ACAD10: variants seen among roughly 807,000 people sequenced by gnomAD.
ACAD10 encodes acyl-CoA dehydrogenase family member 10, also known as ACAD-10.
Under a neutral mutation model 116.8 loss-of-function variants are expected in ACAD10, and 112 were observed. The observed-to-expected ratio is 0.96, with a 90% CI of 0.82 to 1.12. The LOEUF is 1.12. Ranked by LOEUF, ACAD10 falls within the 50% of genes most tolerant of loss-of-function variation. The pLI is 0.00. For synonymous variants in ACAD10, 486 were observed against 510.6 expected (o/e 0.95, Z 0.65); for missense variants, 1,259 against 1,350.2 (o/e 0.93, Z 1.06).
chr12:111,746,110 A>G (rs1452893374), intron 13 of ACAD10, 34 bp from the exon 14 acceptor site: 1 of 1,598,978 alleles, frequency 6.3e-7, no homozygotes, highest in Non-Finnish European at 8.5e-7. Flanking sequence ...GAAATCTTCC[A>G]CTGTGGTTTC....
intron 8 of ACAD10, among the ~76,000 whole-genome samples, chr12:111,726,630 G>A (rs969102128): frequency 6.6e-6 from 1 of 152,178 alleles, no homozygotes; most frequent in Non-Finnish European, 1.5e-5. Flanking sequence ...GGGAGGCTGA[G>A]GCGGATGGAT....
intron 18 of ACAD10, chr12:111,749,644 A>C (rs1324954589): frequency 2.8e-6 from 1 of 362,710 alleles, no homozygotes; most frequent in Non-Finnish European, 5.0e-6. Flanking sequence ...ATTAAAAATC[A>C]GTCTGGGTGC....
At chr12:111,728,235 T>C (rs1175366299) in intron 9 of ACAD10, 92 bp downstream of exon 9, 2 of 1,300,948 alleles carry the variant, frequency 1.5e-6, no homozygotes, top group Non-Finnish European at 2.1e-6. Context: ...TTTTGAGTAT[T>C]AGCACACCAA....
At chr12:111,747,906 TG>T (rs1174407977) in intron 16 of ACAD10, among the ~76,000 whole-genome samples, 3 of 152,146 alleles carry the variant, frequency 2.0e-5, no homozygotes, top group African/African-American at 7.2e-5. Flanking sequence ...TTAGGTCCCT[TG>T]CCTGGGGTAT....
chr12:111,689,053 T>A (rs1463968829), intron 1 of ACAD10, among the ~76,000 whole-genome samples: 2 of 151,790 alleles, frequency 1.3e-5, no homozygotes, highest in Non-Finnish European at 2.9e-5. Flanking sequence ...TAGCCAGGCG[T>A]GGTGGCACGC....
Position 111,738,430 on chromosome 12 carries a change from G to T in ACAD10, c.1714+1426G>T, listed in dbSNP as rs1374857962. 4.8e-5 allele frequency among the ~76,000 whole-genome samples: 6 copies of T among 126,024 alleles called. No homozygotes were observed. In the East Asian group the frequency reaches 7.8e-4, roughly 16 times the overall value. 82.7% of individuals were successfully genotyped at this position (126,024 alleles called of 152,430 possible). A position where few individuals can be genotyped will look rare whatever the true frequency, so the allele number is the denominator to read the frequency against. ...CACTACACTCCAGCCTGGGCGACAA[G>T]AATGAGACTCTGTCTCAAAAAAAAA... On this transcript the variant is annotated intron_variant, in intron 12 of 20. Coordinates refer to ENST00000313698, the MANE Select transcript of ACAD10 (RefSeq NM_025247.6).
intron 12 of ACAD10, 162 bp from the exon 13 acceptor site, chr12:111,744,481 T>G: frequency 2.4e-6 from 2 of 823,742 alleles, no homozygotes; most frequent in Non-Finnish European, 3.8e-6. Context: ...TTGTATTGCT[T>G]TGGGGATTCA....
intron 2 of ACAD10, among the ~76,000 whole-genome samples, chr12:111,698,376 TG>T (rs1314844771): frequency 2.7e-5 from 4 of 148,214 alleles, no homozygotes; most frequent in African/African-American, 1.0e-4. Flanking sequence ...TAGTCTAAAG[TG>T]ATTCTCCCGC....
intron 1 of ACAD10, among the ~76,000 whole-genome samples, chr12:111,691,503 A>G (rs1888040351): frequency 6.6e-6 from 1 of 152,066 alleles, no homozygotes; most frequent in African/African-American, 2.4e-5. Context: ...AGAGGAGAAC[A>G]TGCGTTTGAG....
chr12:111,693,153 A>G (rs1004472688), intron 2 of ACAD10: 1 of 484,620 alleles, frequency 2.1e-6, no homozygotes, highest in African/African-American at 2.0e-5. Flanking sequence ...GCGGAGAGTT[A>G]TCCGTGGGAA....
Position 111,756,675 on chromosome 12 carries a change from A to G in ACAD10, c.*202A>G, listed in dbSNP as rs1394599752. 2.2e-6 allele frequency: 2 copies of G among 899,012 alleles called. No individual in the cohort carries two copies. The highest frequency in any genetic ancestry group is 3.5e-6 in the Non-Finnish European group (2 of 569,028). 55.7% of individuals were successfully genotyped at this position (899,012 alleles called of 1,614,324 possible). On this transcript the variant is annotated 3_prime_UTR_variant, in exon 21 of 21. Coordinates refer to ENST00000313698, the MANE Select transcript of ACAD10 (RefSeq NM_025247.6). ...AGAAGCCTGGAGTCTGTTTCAGGCCAGGAGGAGGGGATTTGCTGAGGGCCA... is the reference window on the plus strand; with the variant it reads ...AGAAGCCTGGAGTCTGTTTCAGGCCGGGAGGAGGGGATTTGCTGAGGGCCA...
rs1194211862 is a variant in ACAD10 at position 111,744,685 on chromosome 12, C to A, written c.1757C>A (p.Thr586Asn). The A allele has an allele frequency of 5.0e-6, 8 of 1,614,044 alleles. No individual in the cohort carries two copies. Among genetic ancestry groups the A allele is most frequent in the African/African-American group, 1.3e-5 (1 of 74,926 alleles). The change falls in exon 13 of 21, where the codon ACC becomes AAC. Residue 586 changes from threonine (T) to asparagine (N), a missense_variant. Coordinates refer to ENST00000313698, the MANE Select transcript of ACAD10 (RefSeq NM_025247.6). Reference protein sequence around the residue: ...STYAEQTGKLTEFVSNLAWDF... With the variant: ...STYAEQTGKLNEFVSNLAWDF... ...TATGCGGAACAAACTGGAAAGCTGA[C>A]CGAATTTGTGTCTAACCTGGCGTGG...
Position 111,745,087 on chromosome 12 carries a change from A to T in ACAD10, c.2115+44A>T, listed in dbSNP as rs188892693. Reference sequence around the variant, plus strand: ...GGTGGTAAGACCCCAATACCATGGCATACCCTCCCCGACCCCACCGGGCTC... The same window carrying T: ...GGTGGTAAGACCCCAATACCATGGCTTACCCTCCCCGACCCCACCGGGCTC... On this transcript the variant is annotated intron_variant, in intron 13 of 20. Transcript: ENST00000313698. The T allele has an allele frequency of 6.6e-4, 1,039 of 1,576,604 alleles. 8 individuals carry two copies. The Admixed American group carries it at 0.015, about 23-fold the overall frequency.
Position 111,744,798 on chromosome 12 carries a change from C to T in ACAD10, c.1870C>T (p.Pro624Ser). The change falls in exon 13 of 21, where the codon CCC (proline) becomes TCC (serine). Residue 624 changes from proline to serine, a missense_variant. Pro to Ser is a moderately conservative substitution (Grantham distance 74). Coordinates refer to ENST00000313698, the MANE Select transcript of ACAD10 (RefSeq NM_025247.6). ...AAGGTCCTACCACACGTGGGCCAGGCCCCAGTCCCAGTGGTGCCCCACAGG... is the reference window on the plus strand; with the variant it reads ...AAGGTCCTACCACACGTGGGCCAGGTCCCAGTCCCAGTGGTGCCCCACAGG... ...LTRSYHTWARPQSQWCPTGSR... is the reference protein window; with the variant it reads ...LTRSYHTWARSQSQWCPTGSR... 6.2e-7 allele frequency: 1 copy of T among 1,614,220 alleles called. No homozygotes were observed. Among genetic ancestry groups the T allele is most frequent in the Non-Finnish European group, 8.5e-7 (1 of 1,180,042 alleles).
intron 1 of ACAD10, among the ~76,000 whole-genome samples, chr12:111,691,496 G>C (rs1413196353): frequency 6.6e-6 from 1 of 152,104 alleles, no homozygotes; most frequent in Non-Finnish European, 1.5e-5. Flanking sequence ...GCATTGCAGA[G>C]GAGAACATGC....
chr12:111,715,767 C>T (rs571376541), intron 6 of ACAD10, 54 bp from the exon 7 acceptor site: 1 of 1,611,314 alleles, frequency 6.2e-7, no homozygotes, highest in Admixed American at 1.7e-5. Flanking sequence ...AGAATGTCTG[C>T]TCAGATCTGT....
chr12:111,697,100 G>A lies in ACAD10; in HGVS notation c.187+4204G>A, dbSNP rs561442405. On this transcript the variant is annotated intron_variant, in intron 2 of 20. Coordinates refer to ENST00000313698, the MANE Select transcript of ACAD10 (RefSeq NM_025247.6). ...CGTCTCAAAAAAAAAAAAAAATTGG[G>A]CATGGTAGTCCATGCCTGTAATCCC... is the stretch of plus-strand genomic sequence containing the variant. 2.5e-3 allele frequency among the ~76,000 whole-genome samples: 372 copies of A among 151,430 alleles called. 4 individuals carry two copies. The highest frequency in any genetic ancestry group is 8.5e-3 in the African/African-American group (350 of 41,336).
At chr12:111,701,759 C>T (rs1303908393) in intron 2 of ACAD10, among the ~76,000 whole-genome samples, 1 of 152,158 alleles carries the variant, frequency 6.6e-6, no homozygotes, top group African/African-American at 2.4e-5. Context: ...ATTACTATAG[C>T]CTATAGAAGG....
chr12:111,688,533 G>A (rs974082536), intron 1 of ACAD10, among the ~76,000 whole-genome samples: 5 of 152,142 alleles, frequency 3.3e-5, no homozygotes, highest in Non-Finnish European at 5.9e-5. Context: ...TTGGTGTGGT[G>A]GCTCACGCCT....
Sources: allele counts gnomAD v4.1 joint callset (sites outside exome capture counted in the v4.1 genomes callset), GRCh38; gene constraint gnomAD v4.1.1; transcripts MANE v1.5; gene names NCBI Gene and HGNC (gene_info 2026-07-23, HGNC 2026-07-21).